The following HIP1 variants were observed in gnomAD, a reference collection of about 807,000 sequenced individuals.
HIP1 encodes huntingtin interacting protein 1, also known as huntingtin-interacting protein 1.
A neutral mutation model predicts 147.6 loss-of-function variants in HIP1; 65 were observed. The observed-to-expected ratio is 0.44, with a 90% CI of 0.36 to 0.54. The LOEUF is 0.54. HIP1 is among the 20% of genes least tolerant of loss of function. The pLI is 0.00. For missense variants in HIP1, 1,061 were observed against 1,299.6 expected, an observed-to-expected ratio of 0.82 and a Z score of 2.82; for synonymous variants, 479 against 504.0, an observed-to-expected ratio of 0.95 and a Z score of 0.67.
intron 1 of HIP1, among the ~76,000 whole-genome samples, chr7:75,733,015 G>A (rs146050947): frequency 6.6e-6 from 1 of 152,242 alleles, no homozygotes; most frequent in Non-Finnish European, 1.5e-5. Context: ...TCTCCTCCAC[G>A]GTATGTGCTC....
intron 1 of HIP1, among the ~76,000 whole-genome samples, chr7:75,607,237 T>TG (rs1276926296): frequency 6.7e-6 from 1 of 148,244 alleles, no homozygotes; most frequent in Non-Finnish European, 1.5e-5. Flanking sequence ...TGTTTTGTTT[T>TG]TTTTTTTTTT....
chr7:75,621,008 C>T (rs1458087739), intron 1 of HIP1, among the ~76,000 whole-genome samples: 2 of 152,056 alleles, frequency 1.3e-5, no homozygotes, highest in Admixed American at 6.6e-5. Context: ...GGAGGCAGGA[C>T]TGCTTGAGAC....
chr7:75,558,098 C>T, intron 15 of HIP1, 69 bp downstream of exon 15: 1 of 1,330,188 alleles, frequency 7.5e-7, no homozygotes, highest in Non-Finnish European at 1.1e-6. Flanking sequence ...GGGGAAGCCA[C>T]AGGCCTGAGC....
At chr7:75,720,555 T>C (rs1210791543) in intron 1 of HIP1, among the ~76,000 whole-genome samples, 1 of 152,178 alleles carries the variant, frequency 6.6e-6, no homozygotes, top group East Asian at 1.9e-4. Context: ...AAGAAACATA[T>C]CTGTGGCTGC....
chr7:75,684,652 C>G (rs1409990466), intron 1 of HIP1, among the ~76,000 whole-genome samples: 6 of 151,930 alleles, frequency 3.9e-5, no homozygotes, highest in Non-Finnish European at 7.4e-5. Context: ...ATTTGGCTAC[C>G]CTCACATAGA....
At chr7:75,624,576 T>A (rs189982908) in intron 1 of HIP1, among the ~76,000 whole-genome samples, 5 of 152,292 alleles carry the variant, frequency 3.3e-5, no homozygotes, top group Admixed American at 6.5e-5. Context: ...ACAACGTCAC[T>A]GGAAGCCCCC....
rs1346005961 is a variant in HIP1 at position 75,537,843 on chromosome 7, G to C, written c.*329C>G. ...TACCCATTGTTGTGGGGGTCAAATA[G>C]TCAGCAGGACTGGATGTTGGTCCTC... On this transcript the variant is annotated 3_prime_UTR_variant, in exon 31 of 31. Transcript: ENST00000336926. 1 of 357,486 alleles carries C rather than the reference G, an allele frequency of 2.8e-6. No homozygotes were observed. Among genetic ancestry groups the C allele is most frequent in the Non-Finnish European group, 5.1e-6 (1 of 194,226 alleles). The allele number at this position is 357,486 out of a possible 1,614,324, so 22.1% of individuals were successfully genotyped here.
intron 1 of HIP1, among the ~76,000 whole-genome samples, chr7:75,730,414 A>G (rs1264275763): frequency 6.7e-6 from 1 of 150,168 alleles, no homozygotes; most frequent in Non-Finnish European, 1.5e-5. Context: ...ATCTCAGCTC[A>G]CTGCAACCTC....
intron 1 of HIP1, among the ~76,000 whole-genome samples, chr7:75,681,909 C>T (rs936022172): frequency 5.9e-5 from 9 of 151,998 alleles, no homozygotes; most frequent in African/African-American, 1.9e-4. Flanking sequence ...GTCCACCCAC[C>T]ATCTCCCCTG....
At chr7:75,663,949 C>T (rs1447741952) in intron 1 of HIP1, among the ~76,000 whole-genome samples, 1 of 126,718 alleles carries the variant, frequency 7.9e-6, no homozygotes. Context: ...TATATATATA[C>T]ACATATATGT....
chr7:75,647,711 C>T (rs1798850102), intron 1 of HIP1, among the ~76,000 whole-genome samples: 1 of 152,224 alleles, frequency 6.6e-6, no homozygotes, highest in Non-Finnish European at 1.5e-5. Context: ...CTGGCCCTGG[C>T]AGCAGCTGGT....
At position 75,734,754 on chromosome 7, in the gene HIP1, G is replaced by A. The variant is rs535779992; in HGVS notation, c.120+4047C>T. ...AATGAGTCTCCACTGCACCCGCTGG[G>A]AAGTTTATCTGCCTAGTCTAGATGT... On this transcript the variant is annotated intron_variant, in intron 1 of 30. Transcript: ENST00000336926. Among the ~76,000 whole-genome samples, 17 of 152,290 alleles carry A rather than the reference G, an allele frequency of 1.1e-4. No individual in the cohort carries two copies. The South Asian group carries it at 3.1e-3, about 28-fold the overall frequency.
At chr7:75,645,745 AAT>A (rs1257474506) in intron 1 of HIP1, among the ~76,000 whole-genome samples, 35 of 152,356 alleles carry the variant, frequency 2.3e-4, no homozygotes, top group African/African-American at 8.4e-4. Context: ...TCCAACAAGG[AAT>A]ATTATGCAGC....
chr7:75,642,205 C>T (rs1798672536), intron 1 of HIP1, among the ~76,000 whole-genome samples: 1 of 152,106 alleles, frequency 6.6e-6, no homozygotes, highest in Admixed American at 6.6e-5. Flanking sequence ...CTAGACCAGC[C>T]TGGGTAACAG....
At chr7:75,646,981 G>A (rs1244212593) in intron 1 of HIP1, among the ~76,000 whole-genome samples, 2 of 152,020 alleles carry the variant, frequency 1.3e-5, no homozygotes, top group Non-Finnish European at 2.9e-5. Context: ...GCCTGGAAGT[G>A]GACCCTCCTG....
At chr7:75,633,935 A>G (rs117889072) in intron 1 of HIP1, among the ~76,000 whole-genome samples, 5,253 of 152,192 alleles carry the variant, frequency 0.035, 120 homozygotes, top group Non-Finnish European at 0.05. Flanking sequence ...ATTCAGGAAG[A>G]AACTCCTGAA....
intron 1 of HIP1, among the ~76,000 whole-genome samples, chr7:75,669,073 C>CAA (rs200505763): frequency 6.8e-6 from 1 of 146,120 alleles, no homozygotes; most frequent in Admixed American, 6.9e-5. Context: ...AACAAACAAA[C>CAA]AAAAAAAACA....
At chr7:75,611,588 T>C in intron 1 of HIP1, 1 of 774,426 alleles carries the variant, frequency 1.3e-6, no homozygotes, top group Non-Finnish European at 1.6e-6. Context: ...TTCTGAACTG[T>C]TCCCGCCCCG....
At chr7:75,567,615 A>C (rs1554495801) in intron 9 of HIP1, among the ~76,000 whole-genome samples, 3 of 151,226 alleles carry the variant, frequency 2.0e-5, no homozygotes, top group African/African-American at 7.4e-5. Flanking sequence ...ATCCTGGCCA[A>C]CATGGTGAAA....
Sources: allele counts gnomAD v4.1 joint callset (sites outside exome capture counted in the v4.1 genomes callset), GRCh38; gene constraint gnomAD v4.1.1; transcripts MANE v1.5; gene names NCBI Gene and HGNC (gene_info 2026-07-23, HGNC 2026-07-21).